SPAG16: variants seen among roughly 807,000 people sequenced by gnomAD.
SPAG16 encodes sperm associated antigen 16, also known as sperm-associated antigen 16 protein.
Under a neutral mutation model 80.4 loss-of-function variants are expected in SPAG16, and 86 were observed. The ratio of observed to expected loss-of-function variants is 1.07; its 90% CI spans 0.90 to 1.28. The LOEUF (loss-of-function observed/expected upper bound fraction) is 1.28. Among genes scored for constraint, SPAG16 ranks in the 50% most tolerant of loss-of-function variants. The pLI is 0.00. For missense variants in SPAG16, 870 were observed against 765.3 expected, an observed-to-expected ratio of 1.14 and a Z score of -1.61; for synonymous variants, 294 against 265.9, an observed-to-expected ratio of 1.11 and a Z score of -1.03.
intron 10 of SPAG16, among the ~76,000 whole-genome samples, chr2:213,835,990 A>G (rs919609810): frequency 2.0e-5 from 3 of 152,286 alleles, no homozygotes; most frequent in South Asian, 2.1e-4. Context: ...AACTGTTTGT[A>G]TATGTTGATA....
At chr2:213,332,890 A>G (rs1011452777) in intron 5 of SPAG16, among the ~76,000 whole-genome samples, 1 of 152,066 alleles carries the variant, frequency 6.6e-6, no homozygotes, top group South Asian at 2.1e-4. Context: ...AATAAACACT[A>G]TATTTGTCAT....
chr2:213,795,326 T>C (rs1227815283), intron 10 of SPAG16, among the ~76,000 whole-genome samples: 3 of 152,216 alleles, frequency 2.0e-5, no homozygotes, highest in African/African-American at 7.2e-5. Context: ...ACTCAGTATG[T>C]GAAATTGTAA....
chr2:214,148,518 T>A (rs899986456), intron 14 of SPAG16, among the ~76,000 whole-genome samples: 14 of 152,192 alleles, frequency 9.2e-5, no homozygotes, highest in African/African-American at 3.4e-4. Context: ...CTGAGAATTT[T>A]GACTAACAGA....
At chr2:213,421,295 C>T (rs966543151) in intron 9 of SPAG16, among the ~76,000 whole-genome samples, 14 of 152,034 alleles carry the variant, frequency 9.2e-5, no homozygotes, top group Non-Finnish European at 1.6e-4. Flanking sequence ...GCCAGGTGTG[C>T]GTGTGCTTGG....
intron 14 of SPAG16, among the ~76,000 whole-genome samples, chr2:214,109,104 T>C (rs768692322): frequency 1.4e-4 from 21 of 152,278 alleles, no homozygotes; most frequent in Non-Finnish European, 2.2e-4. Context: ...CCTTCTGTTA[T>C]GGGATGACAC....
intron 10 of SPAG16, among the ~76,000 whole-genome samples, chr2:213,735,341 C>T (rs879853297): frequency 7.9e-5 from 12 of 152,134 alleles, no homozygotes; most frequent in African/African-American, 2.2e-4. Flanking sequence ...TAATAGCACC[C>T]GAATTGGTGA....
intron 15 of SPAG16, among the ~76,000 whole-genome samples, chr2:214,270,783 G>A (rs1368451936): frequency 6.6e-6 from 1 of 152,032 alleles, no homozygotes; most frequent in Non-Finnish European, 1.5e-5. Flanking sequence ...TTGTAAAGGG[G>A]TGTTTTCTGA....
chr2:213,997,701 T>C (rs1575773172), intron 12 of SPAG16, among the ~76,000 whole-genome samples: 1 of 152,350 alleles, frequency 6.6e-6, no homozygotes, highest in East Asian at 1.9e-4. Context: ...AAGAATTGTC[T>C]TGGGCCACAC....
chr2:213,825,379 A>C (rs1179438596), intron 10 of SPAG16, among the ~76,000 whole-genome samples: 2 of 151,952 alleles, frequency 1.3e-5, no homozygotes, highest in Non-Finnish European at 2.9e-5. Context: ...TATGGCTTTA[A>C]TATGTTGAGG....
At chr2:214,376,011 TC>T (rs559413932) in intron 15 of SPAG16, among the ~76,000 whole-genome samples, 276 of 152,208 alleles carry the variant, frequency 1.8e-3, no homozygotes, top group African/African-American at 6.4e-3. Flanking sequence ...TCTATATGCT[TC>T]AGATTCTGCA....
chr2:213,921,325 A>C (rs2078214036), intron 11 of SPAG16, among the ~76,000 whole-genome samples: 1 of 152,096 alleles, frequency 6.6e-6, no homozygotes, highest in South Asian at 2.1e-4. Context: ...TAAAACTAGG[A>C]TTGCAACCCC....
chr2:213,966,186 A>G (rs1006237087), intron 12 of SPAG16, among the ~76,000 whole-genome samples: 54 of 152,162 alleles, frequency 3.5e-4, no homozygotes, highest in African/African-American at 1.3e-3. Context: ...TCTTGGTTGT[A>G]CTTGGACAGA....
At chr2:213,432,056 AAC>A (rs757279941) in intron 9 of SPAG16, among the ~76,000 whole-genome samples, 22 of 152,230 alleles carry the variant, frequency 1.4e-4, no homozygotes, top group Non-Finnish European at 2.4e-4. Context: ...GGAATATGAA[AAC>A]ACAACATATC....
chr2:213,667,911 G>A (rs1012415131), intron 10 of SPAG16, among the ~76,000 whole-genome samples: 1 of 150,772 alleles, frequency 6.6e-6, no homozygotes, highest in African/African-American at 2.5e-5. Context: ...TTATAAACGA[G>A]TGTATTTGAA....
At chr2:213,941,524 G>A (rs779757868) in intron 12 of SPAG16, among the ~76,000 whole-genome samples, 1 of 151,994 alleles carries the variant, frequency 6.6e-6, no homozygotes, top group South Asian at 2.1e-4. Flanking sequence ...CCTACCGCTG[G>A]ATCTGCAGGT....
intron 10 of SPAG16, chr2:213,758,221 A>G (rs1232024739): frequency 1.3e-5 from 2 of 153,232 alleles, no homozygotes; most frequent in African/African-American, 2.4e-5. Flanking sequence ...TATAAAAAGC[A>G]AAATCATTGA....
intron 14 of SPAG16, among the ~76,000 whole-genome samples, chr2:214,109,571 G>C (rs2053563773): frequency 6.6e-6 from 1 of 152,144 alleles, no homozygotes; most frequent in Non-Finnish European, 1.5e-5. Context: ...TTAGAAAGAG[G>C]AAAAATGCTC....
At chr2:214,385,662 G>A (rs1574473163) in intron 15 of SPAG16, among the ~76,000 whole-genome samples, 1 of 152,140 alleles carries the variant, frequency 6.6e-6, no homozygotes, top group South Asian at 2.1e-4. Context: ...TGGCCCACAT[G>A]GCGAAATCCC....
chr2:213,637,654 T>C (rs1428312542), intron 10 of SPAG16, among the ~76,000 whole-genome samples: 3 of 152,218 alleles, frequency 2.0e-5, no homozygotes, highest in African/African-American at 7.2e-5. Context: ...TCCTTTTTTT[T>C]CCTAGTTTAA....
Sources: allele counts gnomAD v4.1 joint callset (sites outside exome capture counted in the v4.1 genomes callset), GRCh38; gene constraint gnomAD v4.1.1; transcripts MANE v1.5; gene names NCBI Gene and HGNC (gene_info 2026-07-23, HGNC 2026-07-21).